The following POLR3B variants were observed in gnomAD, a reference collection of about 807,000 sequenced individuals.
The protein encoded by POLR3B is RNA polymerase III subunit B.
A neutral mutation model predicts 147.4 loss-of-function variants in POLR3B; 96 were observed. The observed-to-expected ratio is 0.65, with a 90% CI of 0.55 to 0.77. The LOEUF (loss-of-function observed/expected upper bound fraction) is 0.77, where lower values mean the gene tolerates loss of function less well. Among genes scored for constraint, POLR3B ranks in the 30% least tolerant of loss-of-function variants. POLR3B has a pLI of 0.00. For missense variants in POLR3B, 1,036 were observed against 1,413.5 expected (o/e 0.73, Z 4.28); for synonymous variants, 461 against 485.9 (o/e 0.95, Z 0.67).
At chr12:106,508,151 A>G (rs1054665368) in intron 27 of POLR3B, among the ~76,000 whole-genome samples, 1 of 152,168 alleles carries the variant, frequency 6.6e-6, no homozygotes, top group East Asian at 1.9e-4. Context: ...TGTGTCCACA[A>G]CAGCAGGTCT....
In POLR3B at chr12:106,463,574, G is replaced by A; in HGVS notation, c.2667G>A (p.Arg889=). The change falls in exon 23 of 28, where the codon AGG becomes AGA. Residue 889 remains arginine (R), a synonymous_variant. Transcript: ENST00000228347. ...TCAAAATGCTGCTGAGACAGACAAG[G>A]CGTCCAGAAATTGGAGACAAATTCA... ...FLIKMLLRQT[R]RPEIGDKFSS... is the part of the protein sequence containing the mutation. 6.2e-7 allele frequency: 1 copy of A among 1,613,680 alleles called. No individual in the cohort carries two copies.
chr12:106,440,477 TC>T (rs2037635271), intron 18 of POLR3B, among the ~76,000 whole-genome samples: 1 of 152,112 alleles, frequency 6.6e-6, no homozygotes. Flanking sequence ...TCTGCCCACT[TC>T]CATTTCTACC....
At chr12:106,422,894 G>A (rs115018622) in intron 12 of POLR3B, among the ~76,000 whole-genome samples, 2,471 of 152,180 alleles carry the variant, frequency 0.016, 67 homozygotes, top group African/African-American at 0.057. Flanking sequence ...AGATCAATTT[G>A]GAGAAGATTC....
At position 106,496,035 on chromosome 12, in the gene POLR3B, T is replaced by C; in HGVS notation, c.2714-20T>C. On this transcript the variant is annotated intron_variant, in intron 23 of 27. Coordinates refer to ENST00000228347, the MANE Select transcript of POLR3B (RefSeq NM_018082.6). ...TTCTGCCAACTTGCTTTATGTGGCATGAAATCTTCTCTCCCCCAGGTGTTT... is the reference window on the plus strand; with the variant it reads ...TTCTGCCAACTTGCTTTATGTGGCACGAAATCTTCTCTCCCCCAGGTGTTT... 1 of 1,465,794 alleles carries C rather than the reference T, an allele frequency of 6.8e-7. No individual in the cohort carries two copies. Among genetic ancestry groups the C allele is most frequent in the South Asian group, 1.1e-5 (1 of 88,042 alleles). 90.8% of individuals were successfully genotyped at this position (1,465,794 alleles called of 1,614,324 possible). A position where few individuals can be genotyped will look rare whatever the true frequency, so the allele number is the denominator to read the frequency against.
chr12:106,430,246 A>T (rs776344864), intron 13 of POLR3B, 27 bp from the exon 14 acceptor site: 2 of 1,571,302 alleles, frequency 1.3e-6, no homozygotes, highest in South Asian at 1.1e-5. Context: ...GGTTAGGAAT[A>T]GTCTTATGTC....
chr12:106,509,059 T>A (rs561387265), intron 27 of POLR3B, among the ~76,000 whole-genome samples: 8 of 152,338 alleles, frequency 5.3e-5, no homozygotes, highest in East Asian at 1.9e-4. Context: ...ATGAAAAAAA[T>A]TTAAATCTGA....
chr12:106,490,391 A>G (rs1037939065), intron 23 of POLR3B, among the ~76,000 whole-genome samples: 26 of 152,326 alleles, frequency 1.7e-4, no homozygotes, highest in African/African-American at 5.8e-4. Context: ...AAACCATTCA[A>G]CTGCTCATGG....
chr12:106,368,049 A>G (rs192892686), intron 4 of POLR3B, among the ~76,000 whole-genome samples: 154 of 152,240 alleles, frequency 1.0e-3, no homozygotes, highest in African/African-American at 3.5e-3. Context: ...TTATTCTATG[A>G]GTACTATCAT....
At chr12:106,507,790 C>G (rs1202658130) in intron 27 of POLR3B, 1 of 456,014 alleles carries the variant, frequency 2.2e-6, no homozygotes, top group Admixed American at 2.3e-5. Flanking sequence ...CATTCTCAGC[C>G]TCAGTTCTTG....
chr12:106,413,574 C>T (rs2037258158), intron 12 of POLR3B, among the ~76,000 whole-genome samples: 1 of 152,114 alleles, frequency 6.6e-6, no homozygotes, highest in East Asian at 1.9e-4. Context: ...TCTTATCTCT[C>T]TAGGTACTTT....
Position 106,453,497 on chromosome 12 carries a change from G to A in POLR3B, c.2084-1005G>A, listed in dbSNP as rs374222819. Among the ~76,000 whole-genome samples the A allele has an allele frequency of 1.4e-4, 21 of 151,994 alleles. 1 individual carries two copies. The highest frequency in any genetic ancestry group is 9.8e-4 in the Admixed American group (15 of 15,230). ...GGTGTGTATGTGTCACTATGGAAGCGTGTGCAAGAGAGAGAGACTTAAAGC... is the reference window on the plus strand; with the variant it reads ...GGTGTGTATGTGTCACTATGGAAGCATGTGCAAGAGAGAGAGACTTAAAGC... On this transcript the variant is annotated intron_variant, in intron 19 of 27. Transcript: ENST00000228347.
chr12:106,465,336 C>A (rs1247925073), intron 23 of POLR3B, among the ~76,000 whole-genome samples: 2 of 152,150 alleles, frequency 1.3e-5, no homozygotes, highest in Non-Finnish European at 2.9e-5. Flanking sequence ...AAGAGAATAT[C>A]CCCCTTCTGA....
rs192332465 is a variant in POLR3B at position 106,461,179 on chromosome 12, C to T, written c.2570+1811C>T. On this transcript the variant is annotated intron_variant, in intron 22 of 27. Coordinates refer to ENST00000228347, the MANE Select transcript of POLR3B (RefSeq NM_018082.6). ...GCACGATCTCGGCTCACTGCAGCCT[C>T]CACCTCCCAGTTCAAGTGATTCTCC... 1.3e-4 allele frequency among the ~76,000 whole-genome samples: 20 copies of T among 152,216 alleles called. No individual in the cohort carries two copies. In the East Asian group the frequency reaches 2.5e-3, roughly 19 times the overall value.
intron 19 of POLR3B, among the ~76,000 whole-genome samples, chr12:106,449,381 A>G (rs1475014087): frequency 6.6e-6 from 1 of 152,148 alleles, no homozygotes; most frequent in East Asian, 1.9e-4. Flanking sequence ...CCTGTGCTGC[A>G]GTTGACTCTT....
At chr12:106,430,719 T>A (rs1416068617) in intron 14 of POLR3B, among the ~76,000 whole-genome samples, 1 of 152,208 alleles carries the variant, frequency 6.6e-6, no homozygotes, top group Non-Finnish European at 1.5e-5. Context: ...TGTTTCTCTT[T>A]ATTATTTTAG....
chr12:106,418,440 T>C (rs1014234480), intron 12 of POLR3B, among the ~76,000 whole-genome samples: 3 of 152,320 alleles, frequency 2.0e-5, no homozygotes, highest in African/African-American at 4.8e-5. Context: ...GCCTAATGTC[T>C]TTAATTTTGC....
chr12:106,423,401 A>G (rs139302800), intron 12 of POLR3B, among the ~76,000 whole-genome samples: 1,830 of 152,318 alleles, frequency 0.012, 19 homozygotes, highest in South Asian at 0.024. Flanking sequence ...TATTATGGGA[A>G]TAGGCACATG....
At chr12:106,460,340 C>T (rs1018774596) in intron 22 of POLR3B, among the ~76,000 whole-genome samples, 1 of 152,170 alleles carries the variant, frequency 6.6e-6, no homozygotes, top group Admixed American at 6.6e-5. Context: ...TTAATCCTAC[C>T]AGCATCCCAG....
chr12:106,507,821 A>G, intron 27 of POLR3B: 1 of 455,956 alleles, frequency 2.2e-6, no homozygotes, highest in Non-Finnish European at 4.4e-6. Context: ...CTAAAATAAT[A>G]CAAGCTTTAT....
Sources: gnomAD v4.1 joint callset for allele counts (sites outside exome capture counted in the v4.1 genomes callset) on GRCh38, gnomAD v4.1.1 for gene constraint, MANE v1.5 for transcripts, NCBI Gene and HGNC (gene_info 2026-07-23, HGNC 2026-07-21) for gene names.